TMEM132D: variants seen among roughly 807,000 people sequenced by gnomAD.
The protein encoded by TMEM132D is transmembrane protein 132D.
A neutral mutation model predicts 62.3 loss-of-function variants in TMEM132D; 21 were observed. The ratio of observed to expected loss-of-function variants is 0.34; its 90% CI spans 0.24 to 0.49. The LOEUF (loss-of-function observed/expected upper bound fraction) is 0.49, where lower values mean the gene tolerates loss of function less well. Ranked by LOEUF, TMEM132D falls within the 20% of genes least tolerant of loss-of-function variation. TMEM132D has a pLI of 0.99. For missense variants in TMEM132D, 1,346 were observed against 1,402.8 expected, an observed-to-expected ratio of 0.96 and a Z score of 0.65; for synonymous variants, 621 against 575.6, an observed-to-expected ratio of 1.08 and a Z score of -1.13.
At chr12:129,129,799 G>A (rs975697378) in intron 5 of TMEM132D, among the ~76,000 whole-genome samples, 1 of 152,234 alleles carries the variant, frequency 6.6e-6, no homozygotes, top group Admixed American at 6.5e-5. Flanking sequence ...CTGCTGAGAA[G>A]TGCCTGTTCA....
chr12:129,823,448 T>C (rs1039942635), intron 1 of TMEM132D, among the ~76,000 whole-genome samples: 1 of 152,166 alleles, frequency 6.6e-6, no homozygotes, highest in Non-Finnish European at 1.5e-5. Context: ...CTTTCATCAG[T>C]TAGGGAATGG....
intron 1 of TMEM132D, among the ~76,000 whole-genome samples, chr12:129,860,725 C>A (rs1254057111): frequency 6.6e-6 from 1 of 152,160 alleles, no homozygotes; most frequent in Non-Finnish European, 1.5e-5. Context: ...ACTCACAGTT[C>A]TGCAGGGCTG....
At chr12:129,618,691 T>C (rs986594262) in intron 2 of TMEM132D, among the ~76,000 whole-genome samples, 1 of 152,200 alleles carries the variant, frequency 6.6e-6, no homozygotes, top group African/African-American at 2.4e-5. Flanking sequence ...TGTACATACA[T>C]ACAAATACAT....
chr12:129,198,159 A>C (rs1378787920), intron 5 of TMEM132D, among the ~76,000 whole-genome samples: 1 of 152,248 alleles, frequency 6.6e-6, no homozygotes, highest in Admixed American at 6.5e-5. Context: ...AAAATCATTA[A>C]GAATTATTAA....
At chr12:129,460,189 G>A (rs573799744) in intron 3 of TMEM132D, among the ~76,000 whole-genome samples, 2 of 152,244 alleles carry the variant, frequency 1.3e-5, no homozygotes, top group Admixed American at 6.5e-5. Context: ...GACCCCAAAT[G>A]TTAACTTTGA....
chr12:129,612,434 T>A (rs999876036), intron 2 of TMEM132D, among the ~76,000 whole-genome samples: 2 of 152,152 alleles, frequency 1.3e-5, no homozygotes, highest in African/African-American at 4.8e-5. Context: ...GTTTCACATC[T>A]TAAGCAGTAA....
chr12:129,901,584 A>G (rs1875353528), intron 1 of TMEM132D, among the ~76,000 whole-genome samples: 1 of 152,194 alleles, frequency 6.6e-6, no homozygotes, highest in Non-Finnish European at 1.5e-5. Context: ...ATTTTTGGCC[A>G]CCTAGTAAAG....
intron 1 of TMEM132D, among the ~76,000 whole-genome samples, chr12:129,708,743 T>A (rs1411928271): frequency 1.3e-5 from 2 of 152,078 alleles, no homozygotes; most frequent in Admixed American, 1.3e-4. Flanking sequence ...AGAACATTAT[T>A]TTTTGTCTAA....
chr12:129,330,246 C>A (rs762099308), intron 4 of TMEM132D, among the ~76,000 whole-genome samples: 29 of 152,274 alleles, frequency 1.9e-4, no homozygotes, highest in Admixed American at 3.9e-4. Context: ...GTTATGGAGT[C>A]CCCTACTCAT....
intron 3 of TMEM132D, among the ~76,000 whole-genome samples, chr12:129,493,593 T>C (rs1874863459): frequency 1.3e-5 from 2 of 152,218 alleles, no homozygotes; most frequent in Admixed American, 6.5e-5. Flanking sequence ...GCTATATGTA[T>C]GCATGTATTG....
chr12:129,356,399 C>T lies in TMEM132D; in HGVS notation c.1116-18582G>A, dbSNP rs1177853543. ...GTCTCGATCTCTTGACCTCGTGATC[C>T]GCCCGCCTCGGCCTCCCAAAGTGCT... On this transcript the variant is annotated intron_variant, in intron 3 of 8. Transcript: ENST00000422113. Among the ~76,000 whole-genome samples the T allele has an allele frequency of 2.3e-4, 6 of 26,042 alleles. 2 individuals carry two copies. Among genetic ancestry groups the T allele is most frequent in the South Asian group, 1.9e-3 (2 of 1,050 alleles). 17.1% of individuals were successfully genotyped at this position (26,042 alleles called of 152,430 possible). A position where few individuals can be genotyped will look rare whatever the true frequency, so the allele number is the denominator to read the frequency against.
chr12:129,656,999 T>C (rs566031190), intron 2 of TMEM132D, among the ~76,000 whole-genome samples: 185 of 152,292 alleles, frequency 1.2e-3, no homozygotes, highest in African/African-American at 4.4e-3. Flanking sequence ...TTTGTAAATA[T>C]CTACTGTCTC....
intron 3 of TMEM132D, among the ~76,000 whole-genome samples, chr12:129,357,845 C>G (rs1475582206): frequency 6.6e-6 from 1 of 152,160 alleles, no homozygotes; most frequent in Non-Finnish European, 1.5e-5. Context: ...AAAGGTCTCC[C>G]CAGTGGAAGA....
chr12:129,674,452 G>A (rs7308511), intron 2 of TMEM132D, among the ~76,000 whole-genome samples: 35,984 of 152,070 alleles, frequency 0.24, 4,573 homozygotes, highest in Admixed American at 0.29. Context: ...AACAAATCAT[G>A]TCCATCACAG....
chr12:129,159,922 G>A (rs7299941), intron 5 of TMEM132D, among the ~76,000 whole-genome samples: 80,915 of 151,990 alleles, frequency 0.53, 23,453 homozygotes, highest in Non-Finnish European at 0.66. Flanking sequence ...CAGGGAATCT[G>A]TTTCTGTACA....
intron 5 of TMEM132D, among the ~76,000 whole-genome samples, chr12:129,127,586 G>A (rs943936726): frequency 6.6e-6 from 1 of 152,008 alleles, no homozygotes; most frequent in Non-Finnish European, 1.5e-5. Context: ...CTAAATACAG[G>A]GGCCTTTAAA....
chr12:129,123,305 G>A (rs1370317904), intron 5 of TMEM132D, among the ~76,000 whole-genome samples: 1 of 151,926 alleles, frequency 6.6e-6, no homozygotes, highest in Non-Finnish European at 1.5e-5. Flanking sequence ...GAATTTTCCA[G>A]CTTTTGACAG....
chr12:129,527,341 T>C (rs1876078476), intron 3 of TMEM132D, among the ~76,000 whole-genome samples: 1 of 152,158 alleles, frequency 6.6e-6, no homozygotes, highest in African/African-American at 2.4e-5. Context: ...AAAACATTCG[T>C]TTTAAAATGA....
At chr12:129,386,235 A>G (rs1871102225) in intron 3 of TMEM132D, among the ~76,000 whole-genome samples, 1 of 152,206 alleles carries the variant, frequency 6.6e-6, no homozygotes, top group African/African-American at 2.4e-5. Flanking sequence ...TAAGAACAAC[A>G]TAATTGTCTA....
Sources: gnomAD v4.1 joint callset for allele counts (sites outside exome capture counted in the v4.1 genomes callset) on GRCh38, gnomAD v4.1.1 for gene constraint, MANE v1.5 for transcripts, NCBI Gene and HGNC (gene_info 2026-07-23, HGNC 2026-07-21) for gene names.